Variants in ZC2HC1B observed in about 807,000 individuals in gnomAD.
The protein encoded by ZC2HC1B is zinc finger C2HC domain-containing protein 1B.
A neutral mutation model predicts 31.0 loss-of-function variants in ZC2HC1B; 36 were observed. The ratio of observed to expected loss-of-function variants is 1.16; its 90% CI spans 0.89 to 1.54. The LOEUF (loss-of-function observed/expected upper bound fraction) is 1.54, where lower values mean the gene tolerates loss of function less well. ZC2HC1B is among the 40% of genes most tolerant of loss of function. ZC2HC1B has a pLI of 0.00. For missense variants in ZC2HC1B, 260 were observed against 268.6 expected (o/e 0.97, Z 0.22); for synonymous variants, 73 against 88.0 (o/e 0.83, Z 0.95).
At chr6:143,937,539 A>AT (rs1279741205) in intron 6 of ZC2HC1B, 110 bp from the exon 7 acceptor site, 15 of 970,600 alleles carry the variant, frequency 1.5e-5, no homozygotes, top group Non-Finnish European at 2.1e-5. Flanking sequence ...CCACCAAAAA[A>AT]AAGGAAGAAT....
chr6:143,900,685 CAT>C (rs1362795066), intron 5 of ZC2HC1B, among the ~76,000 whole-genome samples: 2 of 151,972 alleles, frequency 1.3e-5, no homozygotes, highest in Admixed American at 6.5e-5. Context: ...AATGATTAGA[CAT>C]AGGATAAAAG....
rs948866066 is a variant in ZC2HC1B, at chr6:143,877,120, G to A, written c.29-7184G>A. Among the ~76,000 whole-genome samples, 25 of 149,788 alleles carry A rather than the reference G, an allele frequency of 1.7e-4. 2 individuals carry two copies. The highest frequency in any genetic ancestry group is 5.7e-4 in the African/African-American group (23 of 40,638). ...TATTTTCTCCTTTTTCTCTCTTGAA[G>A]TATTATTTGGAGTAGACCCGTCTGG... On this transcript the variant is annotated intron_variant, in intron 1 of 7. Coordinates refer to ENST00000237275, the MANE Select transcript of ZC2HC1B (RefSeq NM_001013623.3).
intron 6 of ZC2HC1B, among the ~76,000 whole-genome samples, chr6:143,914,989 C>T (rs1458754112): frequency 1.3e-5 from 2 of 152,118 alleles, no homozygotes; most frequent in African/African-American, 4.8e-5. Context: ...ATTTACATTT[C>T]AAGTAATTAC....
chr6:143,911,320 A>C lies in ZC2HC1B; in HGVS notation c.598+8168A>C, dbSNP rs375247494. ...TATGTGTGAATTAGATCCTGTCATCATGATGCTAGTTAGTTATTTTGTAGA... is the reference window on the plus strand; with the variant it reads ...TATGTGTGAATTAGATCCTGTCATCCTGATGCTAGTTAGTTATTTTGTAGA... On this transcript the variant is annotated intron_variant, in intron 6 of 7. Transcript: ENST00000237275. This position sits in a 1 kb window ranked among gnomAD's most constrained non-coding sequence, Gnocchi z 4.5. Among the ~76,000 whole-genome samples, 1 of 152,162 alleles carries C rather than the reference A, an allele frequency of 6.6e-6. No individual in the cohort carries two copies. Among genetic ancestry groups the C allele is most frequent in the Non-Finnish European group, 1.5e-5 (1 of 68,030 alleles).
rs117070508 is a variant in ZC2HC1B, at chr6:143,932,824, G to C, written c.599-4825G>C. ...AAAAATCTGGAACTCAAGGGCAGCT[G>C]TTCAGATTCTTTTGTCCCACAGGGT... On this transcript the variant is annotated intron_variant, in intron 6 of 7. Transcript: ENST00000237275. 2.1e-3 allele frequency among the ~76,000 whole-genome samples: 318 copies of C among 152,286 alleles called. 6 individuals carry two copies. The East Asian group carries it at 0.038, about 18-fold the overall frequency.
intron 1 of ZC2HC1B, among the ~76,000 whole-genome samples, chr6:143,873,479 C>T (rs571119027): frequency 6.6e-6 from 1 of 152,258 alleles, no homozygotes; most frequent in Non-Finnish European, 1.5e-5. Context: ...TGTGGGGGCT[C>T]TACCCCCAGA....
intron 6 of ZC2HC1B, among the ~76,000 whole-genome samples, chr6:143,936,537 T>G (rs951509720): frequency 6.6e-6 from 1 of 152,234 alleles, no homozygotes; most frequent in African/African-American, 2.4e-5. Flanking sequence ...AATGAGTGTA[T>G]AGCCTAGTCA....
intron 6 of ZC2HC1B, among the ~76,000 whole-genome samples, chr6:143,919,240 T>C (rs1777958528): frequency 6.8e-6 from 1 of 147,080 alleles, no homozygotes; most frequent in Non-Finnish European, 1.5e-5. Context: ...TGTGTGTGTG[T>C]GTGTGTGTGT....
intron 1 of ZC2HC1B, among the ~76,000 whole-genome samples, chr6:143,878,135 C>T (rs1447323993): frequency 6.6e-6 from 1 of 150,820 alleles, no homozygotes; most frequent in Non-Finnish European, 1.5e-5. Context: ...CAGTCATTTG[C>T]AGACATGCAC....
intron 1 of ZC2HC1B, among the ~76,000 whole-genome samples, chr6:143,875,618 T>C (rs1245033060): frequency 2.7e-5 from 4 of 150,762 alleles, no homozygotes; most frequent in Non-Finnish European, 5.9e-5. Flanking sequence ...GATTTCTGTT[T>C]ATATAAGTTA....
intron 1 of ZC2HC1B, among the ~76,000 whole-genome samples, chr6:143,880,687 G>A (rs58337361): frequency 0.027 from 4,108 of 152,058 alleles, 103 homozygotes; most frequent in Admixed American, 0.072. Flanking sequence ...GAGCAGGAAA[G>A]CAGCAATAAA....
rs1185586272 is a variant in ZC2HC1B at position 143,883,151 on chromosome 6, C to T, written c.29-1153C>T. On this transcript the variant is annotated intron_variant, in intron 1 of 7. Coordinates refer to ENST00000237275, the MANE Select transcript of ZC2HC1B (RefSeq NM_001013623.3). The surrounding 1 kb of genome is among the most constrained non-coding windows in gnomAD (Gnocchi z 4.1). The stretch of plus-strand genomic sequence containing the variant: ...GCCTCCTGGGCTCAAGTGATCCTCT[C>T]ACCTCAGCCTCCTGAGTAGCTGGGA... 1.3e-5 allele frequency among the ~76,000 whole-genome samples: 2 copies of T among 152,170 alleles called. No homozygotes were observed. The highest frequency in any genetic ancestry group is 4.8e-5 in the African/African-American group (2 of 41,446).
chr6:143,875,948 A>G (rs886288973), intron 1 of ZC2HC1B, among the ~76,000 whole-genome samples: 2 of 150,532 alleles, frequency 1.3e-5, no homozygotes, highest in African/African-American at 4.9e-5. Flanking sequence ...AGAGTTTACA[A>G]ACTCAGTGTC....
intron 5 of ZC2HC1B, 68 bp from the exon 6 acceptor site, chr6:143,902,976 C>T: frequency 1.4e-6 from 2 of 1,434,248 alleles, no homozygotes; most frequent in Non-Finnish European, 1.9e-6. Flanking sequence ...ACAGCTGTAC[C>T]TCCTATGTGG....
intron 6 of ZC2HC1B, among the ~76,000 whole-genome samples, chr6:143,906,951 G>A (rs1055016774): frequency 2.0e-5 from 3 of 152,058 alleles, no homozygotes; most frequent in African/African-American, 7.2e-5. Context: ...TCTCCAGCAG[G>A]CCCCATTGTG....
rs939699087 is a variant in ZC2HC1B, at chr6:143,871,880, C to T, written c.28+7313C>T. ...TGCATTCTGGCACTGGGGAAATGAC[C>T]ACAGGATGAGTCCAGGGATCCACTG... is the stretch of plus-strand genomic sequence containing the variant. On this transcript the variant is annotated intron_variant, in intron 1 of 7. Coordinates refer to ENST00000237275, the MANE Select transcript of ZC2HC1B (RefSeq NM_001013623.3). This position sits in a 1 kb window ranked among gnomAD's most constrained non-coding sequence, Gnocchi z 4.1. Among the ~76,000 whole-genome samples, 6 of 152,190 alleles carry T rather than the reference C, an allele frequency of 3.9e-5. No individual in the cohort carries two copies. The highest frequency in any genetic ancestry group is 1.4e-4 in the African/African-American group (6 of 41,528).
chr6:143,889,583 G>T (rs1001912305), intron 4 of ZC2HC1B, among the ~76,000 whole-genome samples: 3 of 152,118 alleles, frequency 2.0e-5, no homozygotes, highest in Non-Finnish European at 2.9e-5. Flanking sequence ...AACAGATGAT[G>T]ATTCAAATGA....
At position 143,885,113 on chromosome 6, in the gene ZC2HC1B, A is replaced by G. The variant is rs2128493957; in HGVS notation, c.90+748A>G. On this transcript the variant is annotated intron_variant, in intron 2 of 7. Coordinates refer to ENST00000237275, the MANE Select transcript of ZC2HC1B (RefSeq NM_001013623.3). The surrounding 1 kb of genome is among the most constrained non-coding windows in gnomAD (Gnocchi z 4.2). ...GGGACATTTTAGATAAAGGAGACTT[A>G]TCTGGAACTTAAAGGATGTGGACTG... Among the ~76,000 whole-genome samples the G allele has an allele frequency of 6.6e-6, 1 of 152,350 alleles. No homozygotes were observed. The highest frequency in any genetic ancestry group is 2.1e-4 in the South Asian group (1 of 4,832).
In ZC2HC1B at chr6:143,921,189, G is replaced by C. The variant is rs1003167477; in HGVS notation, c.599-16460G>C. 6.6e-6 allele frequency among the ~76,000 whole-genome samples: 1 copy of C among 152,082 alleles called. No individual in the cohort carries two copies. Among genetic ancestry groups the C allele is most frequent in the Non-Finnish European group, 1.5e-5 (1 of 68,026 alleles). Reference sequence around the variant, plus strand: ...ACTCATTCACTTCCTTCAGTTCTTTGCTAAAGTGTCGCCTCAGTGAGACTT... The same window carrying C: ...ACTCATTCACTTCCTTCAGTTCTTTCCTAAAGTGTCGCCTCAGTGAGACTT... On this transcript the variant is annotated intron_variant, in intron 6 of 7. Transcript: ENST00000237275. This position sits in a 1 kb window ranked among gnomAD's most constrained non-coding sequence, Gnocchi z 6.1.
Sources: gnomAD v4.1 joint callset for allele counts (sites outside exome capture counted in the v4.1 genomes callset) on GRCh38, gnomAD v4.1.1 for gene constraint, Gnocchi (gnomAD v3.1) non-coding constraint, MANE v1.5 for transcripts, NCBI Gene and HGNC (gene_info 2026-07-23, HGNC 2026-07-21) for gene names.